Variants in DPP4 observed in about 807,000 individuals in gnomAD.
DPP4 encodes the protein dipeptidyl peptidase 4.
A neutral mutation model predicts 122.4 loss-of-function variants in DPP4; 93 were observed. The observed-to-expected ratio is 0.76, with a 90% confidence interval of 0.64 to 0.90. DPP4 has a LOEUF of 0.90. DPP4 is among the 40% of genes least tolerant of loss of function. The pLI is 0.00. For synonymous variants in DPP4, 321 were observed against 302.9 expected, an observed-to-expected ratio of 1.06 and a Z score of -0.62; for missense variants, 914 against 907.3, an observed-to-expected ratio of 1.01 and a Z score of -0.09.
intron 10 of DPP4, among the ~76,000 whole-genome samples, chr2:162,032,703 C>A (rs997083464): frequency 3.2e-5 from 4 of 124,164 alleles, no homozygotes; most frequent in African/African-American, 1.2e-4. Context: ...ACAACAACAA[C>A]AACAACAAAA....
chr2:162,046,087 T>C (rs1684164795), intron 4 of DPP4, among the ~76,000 whole-genome samples: 1 of 152,126 alleles, frequency 6.6e-6, no homozygotes, highest in South Asian at 2.1e-4. Flanking sequence ...GTGGAAGTGA[T>C]AGAATCATAT....
At position 162,038,973 on chromosome 2, in the gene DPP4, T is replaced by G; in HGVS notation, c.468A>C (p.Thr156=). 6.2e-7 allele frequency: 1 copy of G among 1,613,488 alleles called. No individual in the cohort carries two copies. Among genetic ancestry groups the G allele is most frequent in the Non-Finnish European group, 8.5e-7 (1 of 1,179,512 alleles). ...ERIPNNTQWV[T]WSPVGHKLAY... ...CCAATTTATGACCCACTGGTGACCA[T>G]GTGACCCACTGTGTGTTGTTTGGAA... is the stretch of plus-strand genomic sequence containing the variant. The change falls in exon 7 of 26, where the codon ACA becomes ACC. Residue 156 remains threonine (T), a synonymous_variant. Transcript: ENST00000360534.
intron 2 of DPP4, among the ~76,000 whole-genome samples, chr2:162,050,079 C>A (rs1352092741): frequency 6.6e-6 from 1 of 152,094 alleles, no homozygotes; most frequent in Non-Finnish European, 1.5e-5. Flanking sequence ...GGAGTAAAGC[C>A]TTATGCTACA....
At chr2:162,007,013 T>C (rs900194101) in intron 22 of DPP4, among the ~76,000 whole-genome samples, 1 of 152,148 alleles carries the variant, frequency 6.6e-6, no homozygotes. Context: ...AGTTGCTCCA[T>C]ATGCATACTT....
intron 2 of DPP4, among the ~76,000 whole-genome samples, chr2:162,059,363 G>T (rs1299816806): frequency 6.6e-6 from 1 of 152,176 alleles, no homozygotes; most frequent in Non-Finnish European, 1.5e-5. Context: ...TATGCCCCAT[G>T]AAATTGACTG....
intron 2 of DPP4, among the ~76,000 whole-genome samples, chr2:162,058,196 T>C (rs1166135730): frequency 3.3e-5 from 5 of 152,184 alleles, no homozygotes; most frequent in Non-Finnish European, 5.9e-5. Context: ...CTTAAATCTG[T>C]TGGAACTTTA....
intron 2 of DPP4, 200 bp downstream of exon 2, chr2:162,073,199 T>G (rs1861978): frequency 0.27 from 131,822 of 493,228 alleles, 20,076 homozygotes; most frequent in Non-Finnish European, 0.32. Flanking sequence ...CGCAAGAGTT[T>G]CAGCCTAAAC....
intron 10 of DPP4, among the ~76,000 whole-genome samples, chr2:162,025,938 G>C (rs1394580284): frequency 6.6e-6 from 1 of 151,984 alleles, no homozygotes; most frequent in African/African-American, 2.4e-5. Context: ...CCCTCTCCTT[G>C]CTTGACTGCA....
At chr2:161,996,953 G>A (rs1021044946) in intron 23 of DPP4, among the ~76,000 whole-genome samples, 2 of 152,268 alleles carry the variant, frequency 1.3e-5, no homozygotes, top group East Asian at 3.9e-4. Flanking sequence ...TAGGAACTAA[G>A]AGGCATAGCA....
At chr2:162,064,191 T>A (rs1684878230) in intron 2 of DPP4, among the ~76,000 whole-genome samples, 1 of 152,120 alleles carries the variant, frequency 6.6e-6, no homozygotes, top group South Asian at 2.1e-4. Context: ...AGGAGATACC[T>A]GGAATAGTTC....
chr2:162,060,475 C>G (rs1357396616), intron 2 of DPP4, among the ~76,000 whole-genome samples: 2 of 152,182 alleles, frequency 1.3e-5, no homozygotes, highest in Admixed American at 1.3e-4. Context: ...TTCCTGAACT[C>G]ATTAAAAAGT....
chr2:162,057,348 C>A (rs1684613431), intron 2 of DPP4, among the ~76,000 whole-genome samples: 1 of 152,226 alleles, frequency 6.6e-6, no homozygotes. Flanking sequence ...GCTTTCACCT[C>A]CAAATATACA....
In DPP4 at chr2:162,008,551, C is replaced by G; in HGVS notation, c.1987+11G>C. 6.2e-7 allele frequency: 1 copy of G among 1,610,848 alleles called. No homozygotes were observed. The highest frequency in any genetic ancestry group is 8.5e-7 in the Non-Finnish European group (1 of 1,177,334). ...CTCCGTATCTCTTTGTACCTGGCAG[C>G]AATTACATACCATAGTACTCCCACC... On this transcript the variant is annotated intron_variant, in intron 22 of 25. Transcript: ENST00000360534.
At chr2:162,073,559 G>C (rs1332498225) in intron 1 of DPP4, 73 bp from the exon 2 acceptor site, 12 of 1,459,950 alleles carry the variant, frequency 8.2e-6, no homozygotes, top group East Asian at 2.3e-5. Flanking sequence ...GGTCGGGGCT[G>C]CTCCAGAGGC....
At chr2:162,063,178 T>G (rs538852011) in intron 2 of DPP4, among the ~76,000 whole-genome samples, 2 of 152,246 alleles carry the variant, frequency 1.3e-5, no homozygotes, top group African/African-American at 4.8e-5. Flanking sequence ...CTTGCATGGA[T>G]ATTGGCCTCA....
intron 5 of DPP4, among the ~76,000 whole-genome samples, chr2:162,041,453 C>A (rs1295816977): frequency 6.6e-6 from 1 of 152,124 alleles, no homozygotes; most frequent in Non-Finnish European, 1.5e-5. Flanking sequence ...GGACACCTAG[C>A]TATATAATAG....
At chr2:162,036,945 A>G (rs956194170) in intron 8 of DPP4, among the ~76,000 whole-genome samples, 1 of 152,212 alleles carries the variant, frequency 6.6e-6, no homozygotes, top group South Asian at 2.1e-4. Context: ...GGTCTATAAC[A>G]CAGCTGCAAT....
At chr2:162,009,122 A>G (rs780403006) in intron 21 of DPP4, 119 bp downstream of exon 21, 7 of 1,021,846 alleles carry the variant, frequency 6.9e-6, no homozygotes, top group Non-Finnish European at 1.1e-5. Flanking sequence ...CTGCCCAGAG[A>G]CCTAAGACTT....
chr2:162,069,063 T>G (rs1685034317), intron 2 of DPP4, among the ~76,000 whole-genome samples: 1 of 152,164 alleles, frequency 6.6e-6, no homozygotes, highest in African/African-American at 2.4e-5. Flanking sequence ...AAATTCCTTA[T>G]ACACAGAAAC....
Sources: gnomAD v4.1 joint callset for allele counts (sites outside exome capture counted in the v4.1 genomes callset) on GRCh38, gnomAD v4.1.1 for gene constraint, MANE v1.5 for transcripts, NCBI Gene and HGNC (gene_info 2026-07-23, HGNC 2026-07-21) for gene names.